PPP2R2B: variants seen among roughly 807,000 people sequenced by gnomAD.
PPP2R2B encodes the protein serine/threonine-protein phosphatase 2A 55 kDa regulatory subunit B beta isoform.
A neutral mutation model predicts 46.0 loss-of-function variants in PPP2R2B; 5 were observed. That is an observed-to-expected ratio of 0.11 (90% confidence interval 0.06 to 0.23). The LOEUF (loss-of-function observed/expected upper bound fraction) is 0.23, where lower values mean the gene tolerates loss of function less well. PPP2R2B is among the 10% of genes least tolerant of loss of function. PPP2R2B has a pLI of 1.00. For synonymous variants in PPP2R2B, 215 were observed against 206.7 expected (o/e 1.04, Z -0.34); for missense variants, 367 against 575.0 (o/e 0.64, Z 3.70).
At chr5:146,883,518 C>T (rs1762233342), upstream of PPP2R2B, among the ~76,000 whole-genome samples, 1 of 152,190 alleles carries the variant, frequency 6.6e-6, no homozygotes, top group Non-Finnish European at 1.5e-5. Context: ...CCTTTATAAA[C>T]CATGAAGTCT....
At chr5:146,833,766 C>A (rs1759104343) in intron 2 of PPP2R2B, among the ~76,000 whole-genome samples, 1 of 151,806 alleles carries the variant, frequency 6.6e-6, no homozygotes, top group Non-Finnish European at 1.5e-5. Flanking sequence ...CCCCCACCCC[C>A]AGCTGCACAG....
At chr5:147,054,802 C>G in intron 1 of PPP2R2B, 2 of 401,814 alleles carry the variant, frequency 5.0e-6, no homozygotes, top group Non-Finnish European at 9.9e-6. Context: ...GTAGGACAAT[C>G]CTTAAGCCTG....
chr5:146,648,625 A>G (rs945091349), intron 6 of PPP2R2B, among the ~76,000 whole-genome samples: 6 of 152,176 alleles, frequency 3.9e-5, no homozygotes, highest in Non-Finnish European at 5.9e-5. Context: ...CCAAAAATAC[A>G]TAAGTAAAAA....
intron 1 of PPP2R2B, among the ~76,000 whole-genome samples, chr5:147,015,946 G>A (rs1296680113): frequency 2.6e-5 from 4 of 151,358 alleles, no homozygotes; most frequent in Non-Finnish European, 1.5e-5. Context: ...TACATTGTAA[G>A]TTTCTTAAAA....
At chr5:146,960,359 G>A (rs372920750) in intron 1 of PPP2R2B, among the ~76,000 whole-genome samples, 1 of 151,882 alleles carries the variant, frequency 6.6e-6, no homozygotes, top group African/African-American at 2.4e-5. Context: ...GCACAATCTC[G>A]GCTCACTGCA....
chr5:146,878,584 G>A lies in PPP2R2B; in HGVS notation c.-125+7C>T, dbSNP rs1762043235. On this transcript the variant is annotated splice_region_variant and intron_variant, in intron 1 of 9. Transcript: ENST00000394411. The surrounding 1 kb of genome is among the most constrained non-coding windows in gnomAD (Gnocchi z 4.5). ...GGCGAGATGGCAGGGACAGGATTCA[G>A]GCTTGCCTGGCCGGAATGAGGGTGC... 8.1e-7 allele frequency: 1 copy of A among 1,240,216 alleles called. No individual in the cohort carries two copies. Among genetic ancestry groups the A allele is most frequent in the African/African-American group, 1.6e-5 (1 of 63,734 alleles). The allele number at this position is 1,240,216 out of a possible 1,614,324, so 76.8% of individuals were successfully genotyped here. A position where few individuals can be genotyped will look rare whatever the true frequency, so the allele number is the denominator to read the frequency against.
At chr5:146,635,308 G>T (rs1004846090) in intron 7 of PPP2R2B, among the ~76,000 whole-genome samples, 2 of 151,100 alleles carry the variant, frequency 1.3e-5, no homozygotes, top group African/African-American at 4.9e-5. Flanking sequence ...AGTGGTACAT[G>T]TGCAGGTTTA....
intron 2 of PPP2R2B, among the ~76,000 whole-genome samples, chr5:147,071,250 G>A (rs1003013001): frequency 6.6e-6 from 1 of 152,086 alleles, no homozygotes; most frequent in Admixed American, 6.5e-5. Context: ...CTTCACCTAG[G>A]GAATTTATCA....
At chr5:147,030,425 C>T (rs1755727086) in intron 1 of PPP2R2B, among the ~76,000 whole-genome samples, 1 of 151,980 alleles carries the variant, frequency 6.6e-6, no homozygotes, top group South Asian at 2.1e-4. Flanking sequence ...TTAAAAAGTT[C>T]CCTTCTACAT....
intron 2 of PPP2R2B, among the ~76,000 whole-genome samples, chr5:146,768,455 T>C (rs568380299): frequency 5.3e-5 from 8 of 152,234 alleles, no homozygotes; most frequent in African/African-American, 1.9e-4. Flanking sequence ...CTCTTCTCAC[T>C]ATCTCCACTG....
chr5:146,797,508 G>C (rs1269158151), intron 2 of PPP2R2B, among the ~76,000 whole-genome samples: 5 of 152,148 alleles, frequency 3.3e-5, no homozygotes, highest in African/African-American at 1.2e-4. Context: ...CTGGCCTCTG[G>C]AGGGATTAAT....
At chr5:146,761,541 A>G (rs188689598) in intron 2 of PPP2R2B, among the ~76,000 whole-genome samples, 89 of 152,222 alleles carry the variant, frequency 5.8e-4, no homozygotes, top group African/African-American at 2.0e-3. Context: ...GGGGTGCAGC[A>G]CACCAACATG....
intron 2 of PPP2R2B, among the ~76,000 whole-genome samples, chr5:146,867,611 C>T (rs1283639607): frequency 1.3e-5 from 2 of 152,174 alleles, no homozygotes; most frequent in Non-Finnish European, 1.5e-5. Context: ...GGCCACAGAA[C>T]TAGCATAGCC....
At chr5:146,681,206 C>G (rs1316248657) in intron 5 of PPP2R2B, among the ~76,000 whole-genome samples, 1 of 152,172 alleles carries the variant, frequency 6.6e-6, no homozygotes, top group Non-Finnish European at 1.5e-5. Flanking sequence ...CCTAGAAGTC[C>G]TCTACTGATT....
intron 4 of PPP2R2B, among the ~76,000 whole-genome samples, chr5:146,696,356 G>A (rs1283856999): frequency 6.6e-6 from 1 of 152,056 alleles, no homozygotes; most frequent in Admixed American, 6.5e-5. Context: ...TGCCCGCCTC[G>A]GCCTCCCAAA....
intron 2 of PPP2R2B, among the ~76,000 whole-genome samples, chr5:147,071,842 C>T (rs1051557247): frequency 1.3e-5 from 2 of 152,170 alleles, no homozygotes; most frequent in African/African-American, 4.8e-5. Context: ...GCCTAGAATG[C>T]CAAGCACATA....
intron 1 of PPP2R2B, among the ~76,000 whole-genome samples, chr5:147,048,652 A>G (rs1177091947): frequency 6.6e-6 from 1 of 152,152 alleles, no homozygotes; most frequent in Admixed American, 6.5e-5. Flanking sequence ...TCTCATAACA[A>G]TACTTTGATA....
chr5:146,647,332 G>A (rs1775649756), intron 6 of PPP2R2B, among the ~76,000 whole-genome samples: 1 of 136,520 alleles, frequency 7.3e-6, no homozygotes, highest in African/African-American at 2.7e-5. Flanking sequence ...TTGTGAATAA[G>A]GGGCATTGTG....
intron 1 of PPP2R2B, among the ~76,000 whole-genome samples, chr5:146,939,395 G>C (rs537438073): frequency 2.6e-5 from 4 of 152,316 alleles, no homozygotes; most frequent in African/African-American, 7.2e-5. Context: ...TCAAGGTCCT[G>C]CGAGTGGGAA....
Sources: allele counts gnomAD v4.1 joint callset (sites outside exome capture counted in the v4.1 genomes callset), GRCh38; gene constraint gnomAD v4.1.1; non-coding constraint Gnocchi (gnomAD v3.1); transcripts MANE v1.5; gene names NCBI Gene and HGNC (gene_info 2026-07-23, HGNC 2026-07-21).